The following FARP1 variants were observed in gnomAD, a reference collection of about 807,000 sequenced individuals.
The protein encoded by FARP1 is FERM, ARH/RhoGEF and pleckstrin domain protein 1, also known as FERM, ARHGEF and pleckstrin domain-containing protein 1.
A neutral mutation model predicts 128.8 loss-of-function variants in FARP1; 52 were observed. The observed-to-expected ratio is 0.40, with a 90% confidence interval of 0.32 to 0.51. FARP1 has a LOEUF of 0.51. FARP1 is among the 20% of genes least tolerant of loss of function. The pLI is 0.45. For missense variants in FARP1, 1,333 were observed against 1,367.9 expected, an observed-to-expected ratio of 0.97 and a Z score of 0.40; for synonymous variants, 580 against 551.8, an observed-to-expected ratio of 1.05 and a Z score of -0.72.
At chr13:98,289,732 G>A (rs529350723) in intron 2 of FARP1, among the ~76,000 whole-genome samples, 30 of 152,244 alleles carry the variant, frequency 2.0e-4, no homozygotes, top group Admixed American at 7.2e-4. Context: ...CTAGAGAACT[G>A]CTCGCTGTCC....
chr13:98,163,901 G>GT (rs1877060575), intron 1 of FARP1, among the ~76,000 whole-genome samples: 1 of 151,900 alleles, frequency 6.6e-6, no homozygotes, highest in Non-Finnish European at 1.5e-5. Context: ...TAGAGACGAG[G>GT]TTTCACCATG....
intron 3 of FARP1, among the ~76,000 whole-genome samples, chr13:98,362,431 G>A (rs947114378): frequency 3.3e-5 from 5 of 152,206 alleles, no homozygotes; most frequent in African/African-American, 9.6e-5. Flanking sequence ...ACTGAGTCAA[G>A]GACGGGTGTG....
In FARP1 at chr13:98,312,152, T is replaced by TTTTC. The variant is rs1405104095; in HGVS notation, c.172-31608_172-31607insTCTT. On this transcript the variant is annotated intron_variant, in intron 2 of 26. Transcript: ENST00000319562. ...GGTAACTGCTTTTTTTTTTTTTTTTTTTCTTTGAGACGGAGTCTCGCTCTG... is the reference window on the plus strand; with the variant it reads ...GGTAACTGCTTTTTTTTTTTTTTTTTTTTCTTCTTTGAGACGGAGTCTCGCTCTG... 1.8e-4 allele frequency among the ~76,000 whole-genome samples: 26 copies of TTTTC among 144,946 alleles called. 1 individual carries two copies. The highest frequency in any genetic ancestry group is 6.6e-4 in the African/African-American group (26 of 39,112).
intron 3 of FARP1, among the ~76,000 whole-genome samples, chr13:98,356,925 G>A (rs2139932219): frequency 6.6e-6 from 1 of 152,264 alleles, no homozygotes; most frequent in Non-Finnish European, 1.5e-5. Flanking sequence ...GAGCCACTGA[G>A]CCCGGCCAAG....
chr13:98,293,829 T>C (rs966149008), intron 2 of FARP1, among the ~76,000 whole-genome samples: 3 of 152,126 alleles, frequency 2.0e-5, no homozygotes, highest in Admixed American at 1.3e-4. Context: ...AGGCATCCTG[T>C]CTTTAAACTA....
intron 1 of FARP1, among the ~76,000 whole-genome samples, chr13:98,175,257 G>C (rs899101241): frequency 3.3e-5 from 5 of 152,308 alleles, no homozygotes; most frequent in East Asian, 1.9e-4. Flanking sequence ...CTCATCAGCT[G>C]TGAGGAACTC....
intron 1 of FARP1, among the ~76,000 whole-genome samples, chr13:98,211,969 G>A (rs991796773): frequency 1.3e-5 from 2 of 152,152 alleles, no homozygotes; most frequent in African/African-American, 2.4e-5. Context: ...CTCCACACAC[G>A]TGGGCTCAAC....
chr13:98,164,414 GAGTC>G (rs1344537724), intron 1 of FARP1, among the ~76,000 whole-genome samples: 1 of 152,226 alleles, frequency 6.6e-6, no homozygotes, highest in Admixed American at 6.5e-5. Context: ...TAGTTTGAAA[GAGTC>G]AGAGAGTCTG....
chr13:98,266,343 A>G lies in FARP1; in HGVS notation c.171+52930A>G, dbSNP rs1158620482. Reference sequence around the variant, plus strand: ...TGGGCTTCAGTCCCAGTTCGGCCACATACTAGCTGTGTGGTCTTGGGCAGG... The same window carrying G: ...TGGGCTTCAGTCCCAGTTCGGCCACGTACTAGCTGTGTGGTCTTGGGCAGG... On this transcript the variant is annotated intron_variant, in intron 2 of 26. Transcript: ENST00000319562. 2.0e-5 allele frequency among the ~76,000 whole-genome samples: 3 copies of G among 152,210 alleles called. No individual in the cohort carries two copies. The East Asian group carries it at 5.8e-4, about 29-fold the overall frequency.
chr13:98,280,561 C>T (rs1160536543), intron 2 of FARP1, among the ~76,000 whole-genome samples: 1 of 152,212 alleles, frequency 6.6e-6, no homozygotes, highest in African/African-American at 2.4e-5. Context: ...GCCGGACACC[C>T]GGTGTACTGT....
intron 3 of FARP1, among the ~76,000 whole-genome samples, chr13:98,344,858 C>T (rs1253229242): frequency 1.3e-5 from 2 of 152,166 alleles, no homozygotes; most frequent in African/African-American, 4.8e-5. Context: ...TACTTCAAAT[C>T]CAAGATTCCC....
chr13:98,261,990 A>G (rs965121492), intron 2 of FARP1, among the ~76,000 whole-genome samples: 1 of 151,526 alleles, frequency 6.6e-6, no homozygotes, highest in Admixed American at 6.6e-5. Flanking sequence ...TGCTTCCTAT[A>G]GGTTGATACT....
intron 13 of FARP1, chr13:98,399,973 A>G (rs1329280829): frequency 6.6e-6 from 1 of 152,236 alleles, no homozygotes; most frequent in African/African-American, 2.4e-5. Context: ...AGTCATCTGT[A>G]TGCCATTGAC....
intron 2 of FARP1, among the ~76,000 whole-genome samples, chr13:98,235,459 T>C (rs954125250): frequency 1.3e-5 from 2 of 152,034 alleles, no homozygotes; most frequent in African/African-American, 4.8e-5. Flanking sequence ...GGGGAGGTGA[T>C]AAAAGGAGCT....
chr13:98,290,249 A>G (rs558216928), intron 2 of FARP1, among the ~76,000 whole-genome samples: 19 of 152,058 alleles, frequency 1.2e-4, no homozygotes, highest in Non-Finnish European at 2.8e-4. Context: ...ACAAAGAAAA[A>G]CAAAGTAAGG....
intron 13 of FARP1, chr13:98,406,379 T>G (rs1379188815): frequency 6.6e-6 from 1 of 152,204 alleles, no homozygotes; most frequent in Admixed American, 6.5e-5. Flanking sequence ...ACTGTAGAGT[T>G]TCAGGCCTTT....
intron 1 of FARP1, among the ~76,000 whole-genome samples, chr13:98,153,351 A>G (rs1357673300): frequency 3.0e-5 from 1 of 33,618 alleles, no homozygotes; most frequent in East Asian, 0.12. Flanking sequence ...TAATATATAT[A>G]AAAATATATA....
At chr13:98,324,358 C>T (rs890610525) in intron 2 of FARP1, among the ~76,000 whole-genome samples, 2 of 152,162 alleles carry the variant, frequency 1.3e-5, no homozygotes, top group African/African-American at 2.4e-5. Flanking sequence ...GTTCCTGCTG[C>T]GCCCACTGCT....
chr13:98,342,934 G>A (rs1371053385), intron 2 of FARP1, among the ~76,000 whole-genome samples: 1 of 151,832 alleles, frequency 6.6e-6, no homozygotes, highest in Non-Finnish European at 1.5e-5. Context: ...TGAGGCAGGA[G>A]AATCAGTTGA....
Sources: allele counts gnomAD v4.1 joint callset (sites outside exome capture counted in the v4.1 genomes callset), GRCh38; gene constraint gnomAD v4.1.1; transcripts MANE v1.5; gene names NCBI Gene and HGNC (gene_info 2026-07-23, HGNC 2026-07-21).